The following ZNF331 variants were observed in gnomAD, a reference collection of about 807,000 sequenced individuals.
ZNF331 encodes the protein C2H2-like zinc finger protein rearranged in thyroid adenomas.
In ZNF331, 2 loss-of-function variants were observed where a neutral mutation model predicts 7.0. That is an observed-to-expected ratio of 0.29 (90% CI 0.12 to 0.90). The LOEUF is 0.90. ZNF331 is among the 40% of genes least tolerant of loss of function. The pLI is 0.58. For missense variants in ZNF331, 432 were observed against 587.7 expected (o/e 0.74, Z 2.74); for synonymous variants, 196 against 205.4 (o/e 0.95, Z 0.39).
chr19:53,551,762 G>A (rs1251889565), intron 2 of ZNF331, among the ~76,000 whole-genome samples: 2 of 152,048 alleles, frequency 1.3e-5, no homozygotes, highest in East Asian at 3.8e-4. Flanking sequence ...AAAATTATTA[G>A]CATAGCATAT....
At position 53,573,811 on chromosome 19, in the gene ZNF331, CTCAA is replaced by C. The variant is rs2090575851; in HGVS notation, c.136+2086_136+2089del. On this transcript the variant is annotated intron_variant, in intron 5 of 5. Coordinates refer to ENST00000449416, the MANE Select transcript of ZNF331 (RefSeq NM_001079906.2). This position sits in a 1 kb window ranked among gnomAD's most constrained non-coding sequence, Gnocchi z 4.2. The stretch of plus-strand genomic sequence containing the variant: ...CTGGTTGTTATAAATTTGATTAATA[CTCAA>C]TCAAAAAAAATTTAAGGCCAGGCAT... 6.6e-6 allele frequency among the ~76,000 whole-genome samples: 1 copy of C among 152,010 alleles called. No homozygotes were observed. The highest frequency in any genetic ancestry group is 1.5e-5 in the Non-Finnish European group (1 of 68,004).
At chr19:53,559,781 T>TATATACACACACGTATATAC (rs2089731962) in intron 3 of ZNF331, among the ~76,000 whole-genome samples, 2 of 150,470 alleles carry the variant, frequency 1.3e-5, no homozygotes, top group African/African-American at 4.9e-5. Flanking sequence ...TATATACATA[T>TATATACACACACGTATATAC]ATATATACAC....
upstream of ZNF331, among the ~76,000 whole-genome samples, chr19:53,515,489 CTTTG>C (rs746208426): frequency 6.6e-6 from 1 of 152,142 alleles, no homozygotes; most frequent in Non-Finnish European, 1.5e-5. Flanking sequence ...GGAGCACTGA[CTTTG>C]TTTGGTTGGT....
intron 2 of ZNF331, among the ~76,000 whole-genome samples, chr19:53,554,193 G>T (rs749007259): frequency 1.3e-5 from 2 of 152,178 alleles, no homozygotes; most frequent in Admixed American, 1.3e-4. Flanking sequence ...GGACCGCCGA[G>T]TGCGCCTGTG....
At chr19:53,550,529 C>CTTTTATTTTTTTTTTT (rs2088916606) in intron 2 of ZNF331, among the ~76,000 whole-genome samples, 1 of 64,540 alleles carries the variant, frequency 1.5e-5, no homozygotes, top group Non-Finnish European at 2.6e-5. Context: ...TCTATTTTGT[C>CTTTTATTTTTTTTTTT]TTTTTTTTTT....
At chr19:53,575,722 C>CA (rs199752418) in intron 5 of ZNF331, among the ~76,000 whole-genome samples, 2,136 of 150,432 alleles carry the variant, frequency 0.014, 16 homozygotes, top group Middle Eastern at 0.021. Flanking sequence ...CTAGCTCTGT[C>CA]ACCCAGGCTG....
the ZNF331 span, chr19:53,503,458 T>C: frequency 1.6e-6 from 1 of 638,380 alleles, no homozygotes; most frequent in Middle Eastern, 3.1e-4. Flanking sequence ...ATCCTGGGGA[T>C]TTCTCTCTTA....
upstream of ZNF331, among the ~76,000 whole-genome samples, chr19:53,516,558 C>T (rs1435321918): frequency 6.6e-6 from 1 of 152,072 alleles, no homozygotes; most frequent in Non-Finnish European, 1.5e-5. Context: ...TCTGAGTCAA[C>T]CTTTCTTGTT....
In ZNF331 at chr19:53,563,885, A is replaced by T. The variant is rs2090018723; in HGVS notation, c.-73-5419A>T. ...ACCCATCTCTACTAAAAATACAAAAATTAGCCGGGCGTGGGCGCGCACCTG... is the reference window on the plus strand; with the variant it reads ...ACCCATCTCTACTAAAAATACAAAATTTAGCCGGGCGTGGGCGCGCACCTG... On this transcript the variant is annotated intron_variant, in intron 3 of 5. Coordinates refer to ENST00000449416, the MANE Select transcript of ZNF331 (RefSeq NM_001079906.2). 2.0e-5 allele frequency: 3 copies of T among 151,992 alleles called. No individual in the cohort carries two copies. The South Asian group carries it at 6.2e-4, about 32-fold the overall frequency. The allele number at this position is 151,992 out of a possible 1,614,324, so 9.4% of individuals were successfully genotyped here. A position where few individuals can be genotyped will look rare whatever the true frequency, so the allele number is the denominator to read the frequency against.
intron 2 of ZNF331, chr19:53,555,007 G>C (rs1275030404): frequency 6.4e-6 from 1 of 155,210 alleles, no homozygotes; most frequent in Non-Finnish European, 1.4e-5. Flanking sequence ...GGCGTTAGTG[G>C]GTATGAGGGG....
chr19:53,520,283 G>A (rs1373206422), upstream of ZNF331, among the ~76,000 whole-genome samples: 1 of 152,108 alleles, frequency 6.6e-6, no homozygotes, highest in Non-Finnish European at 1.5e-5. Flanking sequence ...CTGATCTCAG[G>A]TGATATACCC....
At chr19:53,526,844 G>A (rs990254911) in intron 2 of ZNF331, among the ~76,000 whole-genome samples, 19 of 151,416 alleles carry the variant, frequency 1.3e-4, no homozygotes, top group Admixed American at 1.2e-3. Flanking sequence ...GAGCCACCGC[G>A]CCTGGCCCGG....
chr19:53,577,699 A>G lies in ZNF331; in HGVS notation c.1139A>G (p.Glu380Gly), dbSNP rs1170947728. Residue 380 changes from glutamate to glycine, a missense_variant, in exon 6 of 6, where the codon GAA becomes GGA. Around this residue, in one of 3 missense-constraint regions of ZNF331, gnomAD observed 312 missense variants for 448.6 expected, o/e 0.70. Coordinates refer to ENST00000449416, the MANE Select transcript of ZNF331 (RefSeq NM_001079906.2). ...LTQHERIHTG[E>G]TPYKCKECGK... ...CAGCACGAGAGAATCCACACAGGCG[A>G]AACCCCGTATAAATGTAAGGAGTGT... is the stretch of plus-strand genomic sequence containing the variant. 6.2e-7 allele frequency: 1 copy of G among 1,614,208 alleles called. No homozygotes were observed. The highest frequency in any genetic ancestry group is 1.1e-5 in the South Asian group (1 of 91,088).
upstream of ZNF331, among the ~76,000 whole-genome samples, chr19:53,514,657 T>A (rs2086855303): frequency 7.9e-6 from 1 of 126,828 alleles, no homozygotes; most frequent in African/African-American, 3.0e-5. Flanking sequence ...TTCTCCTTTT[T>A]TTTTTTTTTT....
upstream of ZNF331, among the ~76,000 whole-genome samples, chr19:53,537,918 CCGTCAGGGTCTGTGTGCCCGCACAGGCA>C (rs1251040436): frequency 4.6e-5 from 7 of 152,088 alleles, no homozygotes; most frequent in South Asian, 2.1e-4. Context: ...GCGCACACGC[CCGTCAGGGTCTGTGTGCCCGCACAGGCA>C]CGTCAACAGC....
At chr19:53,553,592 A>G (rs2089156472) in intron 2 of ZNF331, among the ~76,000 whole-genome samples, 1 of 147,664 alleles carries the variant, frequency 6.8e-6, no homozygotes, top group Non-Finnish European at 1.5e-5. Flanking sequence ...ATTTTGAGTC[A>G]AAATGAGACT....
At chr19:53,532,395 T>C (rs1224395754) in intron 2 of ZNF331, among the ~76,000 whole-genome samples, 1 of 152,200 alleles carries the variant, frequency 6.6e-6, no homozygotes, top group South Asian at 2.1e-4. Flanking sequence ...GGTTCACCCA[T>C]GTTATCACAA....
At chr19:53,566,674 G>A (rs2090171139) in intron 3 of ZNF331, among the ~76,000 whole-genome samples, 1 of 152,134 alleles carries the variant, frequency 6.6e-6, no homozygotes, top group Admixed American at 6.6e-5. Flanking sequence ...TAGGCACAGC[G>A]AGCCACTCTT....
At position 53,579,426 on chromosome 19, in the gene ZNF331, CTA is replaced by C. The variant is rs1176878193; in HGVS notation, c.*1476_*1477del. On this transcript the variant is annotated 3_prime_UTR_variant, in exon 6 of 6. Transcript: ENST00000449416. ...CTGTGCGTTGTCCAGCACACAGACA[CTA>C]TGTGCATTATTTGTACATAAGGATA... 1 of 206,100 alleles carries C rather than the reference CTA, an allele frequency of 4.9e-6. No individual in the cohort carries two copies. Among genetic ancestry groups the C allele is most frequent in the Non-Finnish European group, 9.9e-6 (1 of 100,630 alleles). 12.8% of individuals were successfully genotyped at this position (206,100 alleles called of 1,614,324 possible). A position where few individuals can be genotyped will look rare whatever the true frequency, so the allele number is the denominator to read the frequency against.
Sources: gnomAD v4.1 joint callset for allele counts (sites outside exome capture counted in the v4.1 genomes callset) on GRCh38, gnomAD v4.1.1 for gene constraint, gnomAD v4.1.1 regional missense constraint, Gnocchi (gnomAD v3.1) non-coding constraint, MANE v1.5 for transcripts, NCBI Gene and HGNC (gene_info 2026-07-23, HGNC 2026-07-21) for gene names.